The following SGK3 variants were observed in gnomAD, a reference collection of about 807,000 sequenced individuals.
SGK3 encodes serum/glucocorticoid regulated kinase family member 3.
Under a neutral mutation model 68.5 loss-of-function variants are expected in SGK3, and 47 were observed. The ratio of observed to expected loss-of-function variants is 0.69; its 90% CI spans 0.54 to 0.87. The LOEUF is 0.87. Among genes scored for constraint, SGK3 ranks in the 40% least tolerant of loss-of-function variants. The pLI, the probability that SGK3 is intolerant of heterozygous loss-of-function variation, is 0.00. For synonymous variants in SGK3, 181 were observed against 189.1 expected (o/e 0.96, Z 0.35); for missense variants, 479 against 575.5 (o/e 0.83, Z 1.72).
chr8:66,805,970 C>A (rs1464550505), intron 4 of SGK3, among the ~76,000 whole-genome samples: 1 of 152,170 alleles, frequency 6.6e-6, no homozygotes, highest in Non-Finnish European at 1.5e-5. Context: ...TCACTGTGTC[C>A]TATATAATTC....
chr8:66,749,662 A>G lies in SGK3; in HGVS notation c.-122+36829A>G, dbSNP rs532706043. On this transcript the variant is annotated intron_variant, in intron 1 of 16. Coordinates refer to ENST00000521198, the MANE Select transcript of SGK3 (RefSeq NM_001033578.3). The stretch of plus-strand genomic sequence containing the variant: ...TTCAAATCAGTGGTTTGATAATGTT[A>G]TATCAATTTTAGCAATTTTTCTAGG... 6.0e-4 allele frequency among the ~76,000 whole-genome samples: 91 copies of G among 152,252 alleles called. 2 individuals are homozygous for G. The highest frequency in any genetic ancestry group is 2.2e-3 in the African/African-American group (90 of 41,568).
rs572959147 is a variant in SGK3, at chr8:66,771,728, AG to A, written c.-121-21885del. ...TTTTAGTATTTAGCGAAGGAGAGAG[AG>A]GGCTTAAGGAAAGTTGAAAATAATC... On this transcript the variant is annotated intron_variant, in intron 1 of 16. Coordinates refer to ENST00000521198, the MANE Select transcript of SGK3 (RefSeq NM_001033578.3). 4.6e-5 allele frequency among the ~76,000 whole-genome samples: 7 copies of A among 152,298 alleles called. No homozygotes were observed. The South Asian group carries it at 1.5e-3, about 32-fold the overall frequency.
At chr8:66,750,851 T>C (rs1307193669) in intron 1 of SGK3, among the ~76,000 whole-genome samples, 1 of 145,122 alleles carries the variant, frequency 6.9e-6, no homozygotes, top group Non-Finnish European at 1.5e-5. Flanking sequence ...CCAAAAAATA[T>C]AAAAATTAGC....
At chr8:66,732,196 G>A (rs1805176180) in intron 1 of SGK3, among the ~76,000 whole-genome samples, 1 of 152,090 alleles carries the variant, frequency 6.6e-6, no homozygotes, top group African/African-American at 2.4e-5. Context: ...TGGTAGAAAG[G>A]CCATGTGAGA....
chr8:66,726,457 T>C (rs1401544754), intron 1 of SGK3, among the ~76,000 whole-genome samples: 1 of 152,132 alleles, frequency 6.6e-6, no homozygotes, highest in Non-Finnish European at 1.5e-5. Flanking sequence ...TATTAACAAA[T>C]AACCCATAGT....
chr8:66,851,283 G>C (rs1336063964), intron 16 of SGK3, among the ~76,000 whole-genome samples: 2 of 152,154 alleles, frequency 1.3e-5, no homozygotes, highest in Non-Finnish European at 2.9e-5. Flanking sequence ...GGAGGCCGAG[G>C]TGGGTGGATC....
At chr8:66,733,090 G>T (rs546491651) in intron 1 of SGK3, among the ~76,000 whole-genome samples, 1 of 152,060 alleles carries the variant, frequency 6.6e-6, no homozygotes, top group Non-Finnish European at 1.5e-5. Context: ...GAATCATTTC[G>T]GTATTATTGG....
chr8:66,804,976 G>A (rs1808091403), intron 4 of SGK3, among the ~76,000 whole-genome samples: 1 of 152,088 alleles, frequency 6.6e-6, no homozygotes, highest in Non-Finnish European at 1.5e-5. Flanking sequence ...CTACTCAGGA[G>A]GCTGAGGCGA....
chr8:66,828,511 T>C, intron 6 of SGK3, 143 bp from the exon 7 acceptor site: 1 of 1,036,020 alleles, frequency 9.7e-7, no homozygotes, highest in South Asian at 1.5e-5. Context: ...TCTATACCCT[T>C]ACTGAGAATC....
intron 6 of SGK3, among the ~76,000 whole-genome samples, chr8:66,822,685 C>A (rs1808893250): frequency 1.3e-5 from 2 of 152,182 alleles, no homozygotes; most frequent in Admixed American, 1.3e-4. Flanking sequence ...GTGGCATGAT[C>A]TCAGCTCACT....
chr8:66,765,494 C>T (rs1418056436), intron 1 of SGK3, among the ~76,000 whole-genome samples: 1 of 152,124 alleles, frequency 6.6e-6, no homozygotes, highest in African/African-American at 2.4e-5. Context: ...TATTTTCTCT[C>T]AGTATTGTTC....
chr8:66,719,808 A>AAAG (rs1452521633), intron 1 of SGK3, among the ~76,000 whole-genome samples: 1 of 152,246 alleles, frequency 6.6e-6, no homozygotes, highest in Non-Finnish European at 1.5e-5. Flanking sequence ...TGGACAAATA[A>AAAG]AAGAAGAAAT....
intron 14 of SGK3, among the ~76,000 whole-genome samples, chr8:66,845,130 G>A (rs1368834309): frequency 6.6e-6 from 1 of 152,188 alleles, no homozygotes; most frequent in Non-Finnish European, 1.5e-5. Flanking sequence ...CAGCCACAGT[G>A]GCTCACGCCT....
intron 1 of SGK3, among the ~76,000 whole-genome samples, chr8:66,776,912 T>C (rs764582168): frequency 3.3e-5 from 5 of 152,234 alleles, no homozygotes; most frequent in Non-Finnish European, 7.3e-5. Context: ...AATGCAGCCC[T>C]CTTCTCCCAG....
chr8:66,766,251 G>T (rs867434065), intron 1 of SGK3, among the ~76,000 whole-genome samples: 1 of 152,014 alleles, frequency 6.6e-6, no homozygotes. Flanking sequence ...GGCCGGGTGT[G>T]GTGGCTCACA....
chr8:66,772,943 A>G (rs73691585), intron 1 of SGK3, among the ~76,000 whole-genome samples: 3,137 of 152,262 alleles, frequency 0.021, 107 homozygotes, highest in African/African-American at 0.07. Flanking sequence ...TAAATAGCAG[A>G]AAACAAAACA....
At chr8:66,783,977 C>T (rs1177491861) in intron 1 of SGK3, among the ~76,000 whole-genome samples, 3 of 152,114 alleles carry the variant, frequency 2.0e-5, no homozygotes, top group Non-Finnish European at 4.4e-5. Flanking sequence ...CTGTAATCTC[C>T]ACCTCTGCCT....
chr8:66,810,841 T>C (rs1422514799), intron 4 of SGK3, among the ~76,000 whole-genome samples: 4 of 152,216 alleles, frequency 2.6e-5, no homozygotes, highest in African/African-American at 7.2e-5. Context: ...TTTAAGCCTA[T>C]GTCTTCTTTT....
In SGK3 at chr8:66,824,542, A is replaced by G. The variant is rs192680670; in HGVS notation, c.417+2083A>G. 4.7e-4 allele frequency among the ~76,000 whole-genome samples: 72 copies of G among 152,332 alleles called. 1 individual carries two copies. The highest frequency in any genetic ancestry group is 3.4e-3 in the Middle Eastern group (1 of 294). On this transcript the variant is annotated intron_variant, in intron 6 of 16. Transcript: ENST00000521198. ...ACCCTTGGTCATCATTGGTGTCATA[A>G]TTTTATGCAACTCTTTTGGAAAGCA...
Sources: gnomAD v4.1 joint callset for allele counts (sites outside exome capture counted in the v4.1 genomes callset) on GRCh38, gnomAD v4.1.1 for gene constraint, MANE v1.5 for transcripts, NCBI Gene and HGNC (gene_info 2026-07-23, HGNC 2026-07-21) for gene names.